Variants in PLEKHA5 observed in about 807,000 individuals in gnomAD.
PLEKHA5 encodes pleckstrin homology domain containing A5, also known as pleckstrin homology domain-containing family A member 5.
PLEKHA5 carries 55 observed loss-of-function variants against 181.9 expected under a neutral mutation model. That is an observed-to-expected ratio of 0.30 (90% CI 0.24 to 0.38). PLEKHA5 has a LOEUF of 0.38. Among genes scored for constraint, PLEKHA5 ranks in the 10% least tolerant of loss-of-function variants. The probability of loss-of-function intolerance (pLI) is 1.00; values close to 1 mark genes in which losing one functional copy is unlikely to be tolerated. For synonymous variants in PLEKHA5, 535 were observed against 529.4 expected, an observed-to-expected ratio of 1.01 and a Z score of -0.15; for missense variants, 1,432 against 1,549.5, an observed-to-expected ratio of 0.92 and a Z score of 1.27.
intron 11 of PLEKHA5, among the ~76,000 whole-genome samples, chr12:19,280,715 G>A (rs2075889133): frequency 6.6e-6 from 1 of 151,180 alleles, no homozygotes; most frequent in Admixed American, 6.6e-5. Context: ...ATGAATACTT[G>A]TAATTTAATT....
At chr12:19,240,095 A>C (rs2062191728) in intron 3 of PLEKHA5, among the ~76,000 whole-genome samples, 1 of 152,192 alleles carries the variant, frequency 6.6e-6, no homozygotes, top group East Asian at 1.9e-4. Context: ...TTCTTGAAGA[A>C]ATTGTTTAAA....
intron 3 of PLEKHA5, chr12:19,202,129 T>G (rs961792931): frequency 1.4e-5 from 5 of 356,792 alleles, no homozygotes; most frequent in African/African-American, 1.1e-4. Flanking sequence ...TTTTGCCTGC[T>G]GAGTTCACTG....
At position 19,339,890 on chromosome 12, in the gene PLEKHA5, C is replaced by T. The variant is rs112227945; in HGVS notation, c.2550+3274C>T. ...AGAATAAAACCAGGCATATAAAACACGCTATATAAGTGTTTGTTAAATAAA... is the reference window on the plus strand; with the variant it reads ...AGAATAAAACCAGGCATATAAAACATGCTATATAAGTGTTTGTTAAATAAA... On this transcript the variant is annotated intron_variant, in intron 21 of 31. Coordinates refer to ENST00000429027, the MANE Select transcript of PLEKHA5 (RefSeq NM_001256470.2). 5.8e-4 allele frequency among the ~76,000 whole-genome samples: 88 copies of T among 152,070 alleles called. No individual in the cohort carries two copies. The South Asian group carries it at 8.3e-3, about 14-fold the overall frequency.
At chr12:19,177,194 A>G (rs1488058484) in intron 3 of PLEKHA5, among the ~76,000 whole-genome samples, 1 of 152,164 alleles carries the variant, frequency 6.6e-6, no homozygotes, top group Non-Finnish European at 1.5e-5. Flanking sequence ...TTTTGTGGTA[A>G]GAACACCTAA....
At chr12:19,190,706 T>C (rs2050905350) in intron 3 of PLEKHA5, among the ~76,000 whole-genome samples, 1 of 152,254 alleles carries the variant, frequency 6.6e-6, no homozygotes, top group Admixed American at 6.5e-5. Flanking sequence ...GATCTTCCTC[T>C]TTTTGCTTGC....
intron 3 of PLEKHA5, among the ~76,000 whole-genome samples, chr12:19,168,766 A>G (rs1021640981): frequency 6.6e-6 from 1 of 152,226 alleles, no homozygotes; most frequent in African/African-American, 2.4e-5. Flanking sequence ...TCCTTCTAAG[A>G]ATGTGTTATG....
intron 31 of PLEKHA5, among the ~76,000 whole-genome samples, chr12:19,374,936 C>A (rs537871195): frequency 1.3e-5 from 2 of 151,692 alleles, no homozygotes; most frequent in African/African-American, 4.8e-5. Flanking sequence ...CCCTGGGCAA[C>A]AGAGCAAGAC....
chr12:19,284,054 C>CTGT (rs2076719420), intron 12 of PLEKHA5, among the ~76,000 whole-genome samples: 1 of 151,872 alleles, frequency 6.6e-6, no homozygotes, highest in Non-Finnish European at 1.5e-5. Flanking sequence ...ATGCATTTTT[C>CTGT]TGTTGTTTTT....
intron 3 of PLEKHA5, among the ~76,000 whole-genome samples, chr12:19,210,451 G>C (rs1246482401): frequency 6.6e-6 from 1 of 152,148 alleles, no homozygotes; most frequent in Non-Finnish European, 1.5e-5. Flanking sequence ...CGGTGGAAGA[G>C]TTCTGGATTT....
At chr12:19,192,349 A>T (rs1216463651) in intron 3 of PLEKHA5, among the ~76,000 whole-genome samples, 1 of 152,152 alleles carries the variant, frequency 6.6e-6, no homozygotes, top group East Asian at 1.9e-4. Flanking sequence ...GAAATGTGGA[A>T]TTATGAAAAA....
In PLEKHA5 at chr12:19,138,216, T is replaced by C. The variant is rs371716684; in HGVS notation, c.227+5766T>C. Among the ~76,000 whole-genome samples the C allele has an allele frequency of 1.9e-4, 29 of 152,188 alleles. No homozygotes were observed. The East Asian group carries it at 3.7e-3, about 19-fold the overall frequency. The stretch of plus-strand genomic sequence containing the variant: ...TTCATTTTTTTAAATAACAGATAAA[T>C]ATAAGATGAAATTAAGGGTGAAAAG... On this transcript the variant is annotated intron_variant, in intron 3 of 31. Transcript: ENST00000429027.
intron 3 of PLEKHA5, among the ~76,000 whole-genome samples, chr12:19,191,109 T>A (rs988200440): frequency 1.3e-5 from 2 of 152,230 alleles, no homozygotes; most frequent in African/African-American, 4.8e-5. Context: ...AATACTAAAA[T>A]GAAAATACTT....
intron 12 of PLEKHA5, 122 bp downstream of exon 12, chr12:19,283,867 T>C (rs1565565314): frequency 1.6e-6 from 1 of 624,702 alleles, no homozygotes; most frequent in African/African-American, 1.8e-5. Flanking sequence ...GGCAGCTCTT[T>C]TTTGTTTTAA....
intron 3 of PLEKHA5, among the ~76,000 whole-genome samples, chr12:19,202,334 A>T (rs1396947993): frequency 6.6e-6 from 1 of 152,102 alleles, no homozygotes; most frequent in Non-Finnish European, 1.5e-5. Context: ...AAATGAAATC[A>T]TATATATGAG....
chr12:19,274,661 G>A lies in PLEKHA5; in HGVS notation c.991G>A (p.Glu331Lys). Residue 331 changes from glutamate (E) to lysine (K), a missense_variant, in exon 11 of 32, where the codon GAA (glutamate) becomes AAA (lysine). Around this residue, in one of 2 missense-constraint regions of PLEKHA5, gnomAD observed 1,143 missense variants for 1,168.4 expected, o/e 0.98. Coordinates refer to ENST00000429027, the MANE Select transcript of PLEKHA5 (RefSeq NM_001256470.2). ...KIEEKKALEAEKYGFQKDGQD... is the reference protein window; with the variant it reads ...KIEEKKALEAKKYGFQKDGQD... ...TGAAGAAAAAAAGGCATTAGAAGCT[G>A]AAAAATATGGATTTCAGAAGGATGG... is the stretch of plus-strand genomic sequence containing the variant. 6.2e-7 allele frequency: 1 copy of A among 1,613,928 alleles called. No individual in the cohort carries two copies. Among genetic ancestry groups the A allele is most frequent in the Non-Finnish European group, 8.5e-7 (1 of 1,179,860 alleles).
intron 3 of PLEKHA5, among the ~76,000 whole-genome samples, chr12:19,167,634 C>T (rs1472308203): frequency 6.6e-6 from 1 of 151,976 alleles, no homozygotes; most frequent in Non-Finnish European, 1.5e-5. Flanking sequence ...CTACTGTGCA[C>T]TAGGTGATGT....
intron 3 of PLEKHA5, among the ~76,000 whole-genome samples, chr12:19,186,744 A>G (rs191967151): frequency 5.9e-5 from 9 of 152,074 alleles, no homozygotes; most frequent in African/African-American, 2.2e-4. Flanking sequence ...TTGAAGTCCT[A>G]TATTCTAACT....
chr12:19,229,491 G>A (rs1170549737), intron 3 of PLEKHA5, among the ~76,000 whole-genome samples: 1 of 151,974 alleles, frequency 6.6e-6, no homozygotes, highest in Non-Finnish European at 1.5e-5. Flanking sequence ...AAGGTGGCAT[G>A]TCTGGAGTTG....
chr12:19,324,340 T>A (rs2091604141), intron 20 of PLEKHA5, among the ~76,000 whole-genome samples: 1 of 152,230 alleles, frequency 6.6e-6, no homozygotes, highest in African/African-American at 2.4e-5. Flanking sequence ...GTTATTTCTG[T>A]TGTCTCATTT....
Sources: gnomAD v4.1 joint callset for allele counts (sites outside exome capture counted in the v4.1 genomes callset) on GRCh38, gnomAD v4.1.1 for gene constraint, gnomAD v4.1.1 regional missense constraint, MANE v1.5 for transcripts, NCBI Gene and HGNC (gene_info 2026-07-23, HGNC 2026-07-21) for gene names.